Variants in MYT1L observed in about 807,000 individuals in gnomAD.
The protein encoded by MYT1L is myelin transcription factor 1 like.
In MYT1L, 12 loss-of-function variants were observed where a neutral mutation model predicts 126.7. The observed-to-expected ratio is 0.09, with a 90% CI of 0.06 to 0.15. The LOEUF is 0.15. Ranked by LOEUF, MYT1L falls within the 10% of genes least tolerant of loss-of-function variation. The probability of loss-of-function intolerance (pLI) is 1.00; values close to 1 mark genes in which losing one functional copy is unlikely to be tolerated. For missense variants in MYT1L, 979 were observed against 1,585.2 expected (o/e 0.62, Z 6.49); for synonymous variants, 541 against 604.2 (o/e 0.90, Z 1.53).
intron 1 of MYT1L, among the ~76,000 whole-genome samples, chr2:2,294,368 T>G (rs1358784354): frequency 6.6e-6 from 1 of 152,022 alleles, no homozygotes; most frequent in Non-Finnish European, 1.5e-5. Flanking sequence ...GGTTTCAATT[T>G]AGAAAGAATG....
intron 8 of MYT1L, among the ~76,000 whole-genome samples, chr2:1,968,865 G>A (rs1016574878): frequency 6.6e-6 from 1 of 152,156 alleles, no homozygotes; most frequent in Non-Finnish European, 1.5e-5. Context: ...ATGGCAGGTG[G>A]GCGGGGGCGG....
chr2:1,959,679 C>T (rs1022063137), intron 8 of MYT1L, among the ~76,000 whole-genome samples: 2 of 152,172 alleles, frequency 1.3e-5, no homozygotes, highest in African/African-American at 4.8e-5. Context: ...CTCCATCCCT[C>T]TGCCCCTCAC....
chr2:2,265,255 G>T (rs113152352), intron 2 of MYT1L, among the ~76,000 whole-genome samples: 1 of 151,852 alleles, frequency 6.6e-6, no homozygotes, highest in Non-Finnish European at 1.5e-5. Flanking sequence ...TGATCCACCC[G>T]CCTCGGTCTC....
chr2:2,026,135 A>C (rs1293490972), intron 4 of MYT1L, among the ~76,000 whole-genome samples: 1 of 152,352 alleles, frequency 6.6e-6, no homozygotes, highest in South Asian at 2.1e-4. Flanking sequence ...AATTATAATA[A>C]AACTGTGGCC....
chr2:2,236,783 TCTTCTTCTTCTTCTTCTTCTTC>T lies in MYT1L; in HGVS notation c.-421+47599_-421+47620del, dbSNP rs1559420477. Among the ~76,000 whole-genome samples the T allele has an allele frequency of 2.0e-4, 4 of 19,922 alleles. 1 individual carries two copies. Among genetic ancestry groups the T allele is most frequent in the African/African-American group, 3.4e-4 (1 of 2,940 alleles). 13.1% of individuals were successfully genotyped at this position (19,922 alleles called of 152,430 possible). On this transcript the variant is annotated intron_variant, in intron 2 of 24. Coordinates refer to ENST00000647738, the MANE Select transcript of MYT1L (RefSeq NM_001303052.2). ...TTCTTCTTCTTCTTCTTCTTCTTCTTCTTCTTCTTCTTCTTCTTCTTCTTCTTCTTCTTTTTTTTTTTTTTTT... is the reference window on the plus strand; with the variant it reads ...TTCTTCTTCTTCTTCTTCTTCTTCTTTTCTTCTTCTTTTTTTTTTTTTTTT...
intron 3 of MYT1L, among the ~76,000 whole-genome samples, chr2:2,068,766 C>CTTTTTTTTTTTTTTT (rs1370285207): frequency 1.7e-4 from 1 of 5,874 alleles, no homozygotes; most frequent in Non-Finnish European, 3.6e-4. Context: ...CTGTGTTCTT[C>CTTTTTTTTTTTTTTT]TTGTTTTTTT....
At chr2:1,934,609 G>A (rs1257028106) in intron 9 of MYT1L, among the ~76,000 whole-genome samples, 1 of 151,960 alleles carries the variant, frequency 6.6e-6, no homozygotes, top group East Asian at 1.9e-4. Flanking sequence ...GGAGTCAACA[G>A]CTACTCAGAT....
In MYT1L at chr2:2,254,474, GAA is replaced by G. The variant is rs1201108952; in HGVS notation, c.-421+29928_-421+29929del. Among the ~76,000 whole-genome samples, 3 of 152,178 alleles carry G rather than the reference GAA, an allele frequency of 2.0e-5. No homozygotes were observed. The East Asian group carries it at 5.8e-4, about 29-fold the overall frequency. ...TCCAGAGGCGCTGGAGCTGCTGAGA[GAA>G]GGGACTCTAGAGCTGCATTGCCGTG... is the stretch of plus-strand genomic sequence containing the variant. On this transcript the variant is annotated intron_variant, in intron 2 of 24. Coordinates refer to ENST00000647738, the MANE Select transcript of MYT1L (RefSeq NM_001303052.2).
intron 2 of MYT1L, among the ~76,000 whole-genome samples, chr2:2,176,575 T>C (rs1438932045): frequency 6.6e-6 from 1 of 151,766 alleles, no homozygotes. Flanking sequence ...CTTGGCTCAC[T>C]GCAAGCTCCA....
At chr2:2,263,728 C>A (rs1337421601) in intron 2 of MYT1L, among the ~76,000 whole-genome samples, 2 of 152,124 alleles carry the variant, frequency 1.3e-5, no homozygotes, top group African/African-American at 4.8e-5. Context: ...ACGACTAGAC[C>A]TTTCAGGATC....
At chr2:2,125,598 T>C (rs2081583155) in intron 3 of MYT1L, among the ~76,000 whole-genome samples, 1 of 152,170 alleles carries the variant, frequency 6.6e-6, no homozygotes. Context: ...TATGAAGACA[T>C]GGTCCTTGAA....
At chr2:2,225,133 G>A (rs1289482521) in intron 2 of MYT1L, among the ~76,000 whole-genome samples, 1 of 148,914 alleles carries the variant, frequency 6.7e-6, no homozygotes, top group Non-Finnish European at 1.5e-5. Context: ...CAGTCTCCTT[G>A]CCTCAAATCA....
intron 9 of MYT1L, among the ~76,000 whole-genome samples, chr2:1,932,841 C>G (rs1357528031): frequency 1.3e-5 from 2 of 152,192 alleles, no homozygotes; most frequent in Middle Eastern, 3.4e-3. Context: ...GCTGGAAGGG[C>G]AGGTGGAGGG....
chr2:2,055,059 C>T (rs2069331096), intron 3 of MYT1L, among the ~76,000 whole-genome samples: 1 of 152,110 alleles, frequency 6.6e-6, no homozygotes, highest in South Asian at 2.1e-4. Context: ...TAAATCATTC[C>T]TTATAGAAAA....
At chr2:2,004,467 GTTC>G (rs1416427806) in intron 4 of MYT1L, among the ~76,000 whole-genome samples, 1 of 141,126 alleles carries the variant, frequency 7.1e-6, no homozygotes, top group Non-Finnish European at 1.5e-5. Context: ...TCCTGAATAT[GTTC>G]TTTCCTGCTT....
intron 3 of MYT1L, among the ~76,000 whole-genome samples, chr2:2,156,823 C>T (rs753928136): frequency 5.3e-5 from 8 of 152,146 alleles, no homozygotes; most frequent in East Asian, 1.9e-4. Flanking sequence ...CAGAGCAAAG[C>T]GGCTGTTGGA....
chr2:2,328,871 T>C (rs958973498), intron 1 of MYT1L, among the ~76,000 whole-genome samples: 2 of 152,202 alleles, frequency 1.3e-5, no homozygotes, highest in African/African-American at 4.8e-5. Flanking sequence ...ATAAAAATGT[T>C]CAAGTATAGA....
chr2:1,945,115 T>C (rs2057081384), intron 8 of MYT1L, among the ~76,000 whole-genome samples: 1 of 152,062 alleles, frequency 6.6e-6, no homozygotes, highest in Non-Finnish European at 1.5e-5. Flanking sequence ...GGCTGGAGCA[T>C]AGAGCGGGGC....
intron 5 of MYT1L, among the ~76,000 whole-genome samples, chr2:1,989,707 A>AC (rs769512246): frequency 3.1e-4 from 45 of 144,128 alleles, no homozygotes; most frequent in Non-Finnish European, 5.3e-4. Context: ...CAAAAAACTT[A>AC]GACTAGGGGC....
Sources: allele counts gnomAD v4.1 joint callset (sites outside exome capture counted in the v4.1 genomes callset), GRCh38; gene constraint gnomAD v4.1.1; transcripts MANE v1.5; gene names NCBI Gene and HGNC (gene_info 2026-07-23, HGNC 2026-07-21).